TYW1B: variants seen among roughly 807,000 people sequenced by gnomAD.
TYW1B encodes S-adenosyl-L-methionine-dependent tRNA 4-demethylwyosine synthase TYW1B.
In TYW1B, 73 loss-of-function variants were observed where a neutral mutation model predicts 86.9. The ratio of observed to expected loss-of-function variants is 0.84; its 90% CI spans 0.70 to 1.02. The LOEUF is 1.02. Among genes scored for constraint, TYW1B ranks in the 50% least tolerant of loss-of-function variants. The pLI, the probability that TYW1B is intolerant of heterozygous loss-of-function variation, is 0.00. For synonymous variants in TYW1B, 248 were observed against 292.8 expected (o/e 0.85, Z 1.56); for missense variants, 637 against 827.4 (o/e 0.77, Z 2.82).
At chr7:72,617,182 A>T (rs1351866405) in intron 12 of TYW1B, among the ~76,000 whole-genome samples, 2 of 152,132 alleles carry the variant, frequency 1.3e-5, no homozygotes, top group Non-Finnish European at 2.9e-5. Flanking sequence ...ATAATTGAGG[A>T]ATTATGAAGG....
At chr7:72,798,474 T>C (rs535787356) in intron 6 of TYW1B, among the ~76,000 whole-genome samples, 7 of 152,254 alleles carry the variant, frequency 4.6e-5, no homozygotes, top group South Asian at 2.1e-4. Flanking sequence ...CAATCCACCA[T>C]AGTATTATTC....
intron 11 of TYW1B, among the ~76,000 whole-genome samples, chr7:72,690,925 G>A (rs1232003867): frequency 6.6e-6 from 1 of 151,794 alleles, no homozygotes; most frequent in Non-Finnish European, 1.5e-5. Flanking sequence ...TTGTTTTTTT[G>A]TATCTGTAGT....
chr7:72,683,665 T>C (rs1554448770), intron 11 of TYW1B, among the ~76,000 whole-genome samples: 2 of 152,100 alleles, frequency 1.3e-5, no homozygotes, highest in Non-Finnish European at 2.9e-5. Flanking sequence ...TTATTAAAGG[T>C]CTAGTGAGAG....
At chr7:72,753,774 C>T (rs1186478085) in intron 7 of TYW1B, among the ~76,000 whole-genome samples, 8 of 151,974 alleles carry the variant, frequency 5.3e-5, no homozygotes, top group African/African-American at 1.4e-4. Context: ...CCACTGCGTC[C>T]GGCCCAATCA....
intron 10 of TYW1B, among the ~76,000 whole-genome samples, chr7:72,709,456 C>T (rs1814691924): frequency 7.9e-6 from 1 of 126,730 alleles, no homozygotes; most frequent in East Asian, 2.1e-4. Flanking sequence ...ATCACAAGGT[C>T]AGGAGATCGA....
intron 13 of TYW1B, among the ~76,000 whole-genome samples, chr7:72,584,160 C>T (rs1554430074): frequency 6.6e-6 from 1 of 152,202 alleles, no homozygotes; most frequent in Non-Finnish European, 1.5e-5. Context: ...ATCCTCCCTC[C>T]TCAGTCTCTG....
At chr7:72,763,427 C>T (rs560547006) in intron 7 of TYW1B, among the ~76,000 whole-genome samples, 12 of 151,592 alleles carry the variant, frequency 7.9e-5, no homozygotes, top group African/African-American at 2.2e-4. Flanking sequence ...GGATTACAGG[C>T]GCCCACCACC....
At chr7:72,631,341 C>T (rs1812484870) in intron 11 of TYW1B, among the ~76,000 whole-genome samples, 1 of 151,926 alleles carries the variant, frequency 6.6e-6, no homozygotes, top group African/African-American at 2.4e-5. Context: ...GGTGAAACCC[C>T]GTCTCCACTA....
At chr7:72,620,316 G>A (rs564777854) in intron 12 of TYW1B, among the ~76,000 whole-genome samples, 2 of 152,294 alleles carry the variant, frequency 1.3e-5, no homozygotes, top group African/African-American at 4.8e-5. Flanking sequence ...AGAATCGCTC[G>A]AACCCAGTAG....
intron 9 of TYW1B, among the ~76,000 whole-genome samples, chr7:72,715,432 A>C (rs1419497311): frequency 6.6e-6 from 1 of 152,112 alleles, no homozygotes; most frequent in Admixed American, 6.5e-5. Flanking sequence ...ACTGCTCTTG[A>C]CTCAATGTAG....
At chr7:72,692,249 AAACATT>A (rs1814187744) in intron 11 of TYW1B, among the ~76,000 whole-genome samples, 1 of 151,838 alleles carries the variant, frequency 6.6e-6, no homozygotes, top group East Asian at 1.9e-4. Flanking sequence ...ATAAAAAAAG[AAACATT>A]TATCAGGACT....
At chr7:72,714,715 C>T (rs1327724179) in intron 9 of TYW1B, among the ~76,000 whole-genome samples, 10 of 152,174 alleles carry the variant, frequency 6.6e-5, no homozygotes, top group African/African-American at 2.4e-4. Context: ...GTCAGGAGTT[C>T]AACACCAGCC....
chr7:72,691,742 C>T (rs1424279683), intron 11 of TYW1B, among the ~76,000 whole-genome samples: 1 of 152,102 alleles, frequency 6.6e-6, no homozygotes, highest in East Asian at 1.9e-4. Flanking sequence ...ACTAAAGAGG[C>T]CTTTTTGCAT....
chr7:72,666,358 G>A (rs35238555), intron 11 of TYW1B, among the ~76,000 whole-genome samples: 3 of 152,024 alleles, frequency 2.0e-5, no homozygotes, highest in Non-Finnish European at 2.9e-5. Flanking sequence ...CCCAGGAGGC[G>A]GAGGCTGCAG....
At chr7:72,773,043 CAG>C in intron 7 of TYW1B, among the ~76,000 whole-genome samples, 1 of 152,286 alleles carries the variant, frequency 6.6e-6, no homozygotes, top group Non-Finnish European at 1.5e-5. Context: ...AAAAGATCCC[CAG>C]AAGAAATTCT....
chr7:72,631,470 C>T (rs1387935783), intron 11 of TYW1B, among the ~76,000 whole-genome samples: 2 of 152,128 alleles, frequency 1.3e-5, no homozygotes, highest in African/African-American at 4.8e-5. Flanking sequence ...GCCAAGATTG[C>T]ACCACTGCAC....
intron 2 of TYW1B, among the ~76,000 whole-genome samples, chr7:72,819,239 A>G (rs1788783094): frequency 6.6e-6 from 1 of 152,106 alleles, no homozygotes; most frequent in Non-Finnish European, 1.5e-5. Flanking sequence ...GGACTCAAGC[A>G]TTGACTCTTG....
chr7:72,664,367 A>G (rs1346865722), intron 11 of TYW1B, among the ~76,000 whole-genome samples: 3 of 152,044 alleles, frequency 2.0e-5, no homozygotes, highest in African/African-American at 7.3e-5. Flanking sequence ...TACTGAGGTA[A>G]CTAGTAGATA....
intron 11 of TYW1B, among the ~76,000 whole-genome samples, chr7:72,632,485 T>C (rs1160318905): frequency 4.1e-4 from 51 of 124,668 alleles, no homozygotes; most frequent in Non-Finnish European, 5.0e-4. Flanking sequence ...AATATATATA[T>C]ACACATATAT....
Sources: gnomAD v4.1 joint callset for allele counts (sites outside exome capture counted in the v4.1 genomes callset) on GRCh38, gnomAD v4.1.1 for gene constraint, MANE v1.5 for transcripts, NCBI Gene and HGNC (gene_info 2026-07-23, HGNC 2026-07-21) for gene names.